Variants in PDE4D observed in about 807,000 individuals in gnomAD.
PDE4D encodes the protein 3',5'-cyclic-AMP phosphodiesterase 4D.
Under a neutral mutation model 87.4 loss-of-function variants are expected in PDE4D, and 24 were observed. The ratio of observed to expected loss-of-function variants is 0.27; its 90% CI spans 0.20 to 0.39. PDE4D has a LOEUF of 0.39. Ranked by LOEUF, PDE4D falls within the 10% of genes least tolerant of loss-of-function variation. The probability of loss-of-function intolerance (pLI) is 1.00; values close to 1 mark genes in which losing one functional copy is unlikely to be tolerated. For missense variants in PDE4D, 714 were observed against 1,041.0 expected (o/e 0.69, Z 4.32); for synonymous variants, 384 against 383.2 (o/e 1.00, Z -0.02).
At chr5:60,157,842 CCATT>C (rs1397766099) in intron 2 of PDE4D, among the ~76,000 whole-genome samples, 2 of 151,944 alleles carry the variant, frequency 1.3e-5, no homozygotes, top group Non-Finnish European at 2.9e-5. Context: ...AGAAAATGAA[CCATT>C]CTTTTCTTTT....
chr5:59,246,265 G>A (rs1190998701), intron 1 of PDE4D, among the ~76,000 whole-genome samples: 1 of 151,906 alleles, frequency 6.6e-6, no homozygotes, highest in East Asian at 1.9e-4. Context: ...AAACCTCTCT[G>A]AGGTTTCTTC....
chr5:59,729,771 T>C (rs1293120579), intron 1 of PDE4D, among the ~76,000 whole-genome samples: 2 of 152,120 alleles, frequency 1.3e-5, no homozygotes, highest in Non-Finnish European at 2.9e-5. Flanking sequence ...TGTATTCCTA[T>C]ATAATTCTAG....
chr5:60,283,152 T>G (rs866357616), intron 1 of PDE4D, among the ~76,000 whole-genome samples: 4 of 152,114 alleles, frequency 2.6e-5, no homozygotes, highest in Non-Finnish European at 4.4e-5. Context: ...TATTACCATG[T>G]TTTCTAATAT....
chr5:60,484,812 CATA>C (rs35431950), intron 1 of PDE4D, among the ~76,000 whole-genome samples: 19,076 of 152,158 alleles, frequency 0.13, 1,296 homozygotes, highest in Non-Finnish European at 0.15. Context: ...GAGCTACAGT[CATA>C]ATAATAGTGT....
intron 3 of PDE4D, among the ~76,000 whole-genome samples, chr5:59,973,554 A>G (rs1422940436): frequency 6.6e-6 from 1 of 152,204 alleles, no homozygotes; most frequent in Non-Finnish European, 1.5e-5. Flanking sequence ...AGAGTTTTAT[A>G]GAAACACTCT....
intron 1 of PDE4D, among the ~76,000 whole-genome samples, chr5:59,260,914 A>G (rs906217641): frequency 2.7e-5 from 4 of 146,336 alleles, no homozygotes; most frequent in African/African-American, 1.0e-4. Context: ...AAAATCATTT[A>G]TGGAATTTCC....
At chr5:59,937,408 G>T (rs140832451) in intron 3 of PDE4D, among the ~76,000 whole-genome samples, 1,770 of 152,154 alleles carry the variant, frequency 0.012, 13 homozygotes, top group Non-Finnish European at 0.017. Flanking sequence ...AGTCAGCTTA[G>T]GTTGTCATAA....
intron 1 of PDE4D, among the ~76,000 whole-genome samples, chr5:60,383,648 A>C (rs553650304): frequency 6.6e-6 from 1 of 152,348 alleles, no homozygotes; most frequent in Admixed American, 6.5e-5. Context: ...GGAAAATTTG[A>C]GAGCAGAACC....
chr5:60,274,175 T>TTAAAA (rs1751120477), intron 1 of PDE4D, among the ~76,000 whole-genome samples: 2 of 150,124 alleles, frequency 1.3e-5, no homozygotes, highest in Non-Finnish European at 1.5e-5. Context: ...ATGATGGGGG[T>TTAAAA]AGAGAAAAAC....
At chr5:59,559,937 C>G (rs1339798599) in intron 1 of PDE4D, among the ~76,000 whole-genome samples, 2 of 152,046 alleles carry the variant, frequency 1.3e-5, no homozygotes, top group African/African-American at 4.8e-5. Flanking sequence ...TTAAAAATAC[C>G]AGTTTCTTGA....
chr5:60,101,027 T>C (rs1344524039), intron 2 of PDE4D, among the ~76,000 whole-genome samples: 1 of 152,060 alleles, frequency 6.6e-6, no homozygotes, highest in African/African-American at 2.4e-5. Context: ...TCCTAGGAAA[T>C]TAGGGCCACT....
intron 1 of PDE4D, among the ~76,000 whole-genome samples, chr5:59,390,157 A>C (rs889373410): frequency 6.6e-6 from 1 of 152,076 alleles, no homozygotes; most frequent in African/African-American, 2.4e-5. Context: ...AGTAAAAAGG[A>C]GATTTGAATT....
chr5:59,379,048 C>A (rs944620939), intron 1 of PDE4D, among the ~76,000 whole-genome samples: 4 of 151,780 alleles, frequency 2.6e-5, no homozygotes, highest in African/African-American at 9.7e-5. Flanking sequence ...ACAGGGAAGT[C>A]CATGTTCAAT....
intron 5 of PDE4D, among the ~76,000 whole-genome samples, chr5:59,109,366 C>A (rs1169571115): frequency 6.6e-6 from 1 of 152,100 alleles, no homozygotes. Flanking sequence ...ATAATAAATG[C>A]TGAGAAAGAA....
intron 5 of PDE4D, among the ~76,000 whole-genome samples, chr5:59,177,387 T>A (rs1273198144): frequency 6.6e-6 from 1 of 152,192 alleles, no homozygotes; most frequent in African/African-American, 2.4e-5. Flanking sequence ...GTTCTATGTA[T>A]ACAGTGGGCC....
rs912697197 is a variant in PDE4D at position 59,937,477 on chromosome 5, G to A, written c.272+51011C>T. ...TTATTTTCTCACAGTTCTAGAGGCT[G>A]CAAGTCTGAGATCTGTGTGTCAGCA... On this transcript the variant is annotated intron_variant, in intron 3 of 16. Coordinates refer to the PDE4D transcript ENST00000502484. Among the ~76,000 whole-genome samples the A allele has an allele frequency of 5.3e-5, 8 of 152,320 alleles. No homozygotes were observed. The East Asian group carries it at 1.4e-3, about 26-fold the overall frequency.
intron 2 of PDE4D, among the ~76,000 whole-genome samples, chr5:60,157,667 T>C (rs538173530): frequency 2.9e-4 from 44 of 152,160 alleles, no homozygotes; most frequent in East Asian, 7.7e-4. Flanking sequence ...ATTAACAGTA[T>C]TTGGATCTAA....
At chr5:59,943,451 A>T (rs1402235202) in intron 3 of PDE4D, among the ~76,000 whole-genome samples, 1 of 152,046 alleles carries the variant, frequency 6.6e-6, no homozygotes, top group Non-Finnish European at 1.5e-5. Flanking sequence ...TCAGACCCAC[A>T]TTTTCTTTAT....
intron 1 of PDE4D, among the ~76,000 whole-genome samples, chr5:60,322,569 T>C (rs1012723705): frequency 6.6e-6 from 1 of 151,408 alleles, no homozygotes; most frequent in South Asian, 2.1e-4. Context: ...ATACCAACCA[T>C]GCAATTAAGG....
Sources: gnomAD v4.1 joint callset for allele counts (sites outside exome capture counted in the v4.1 genomes callset) on GRCh38, gnomAD v4.1.1 for gene constraint, MANE v1.5 for transcripts, NCBI Gene and HGNC (gene_info 2026-07-23, HGNC 2026-07-21) for gene names.